LARGE1: variants seen among roughly 807,000 people sequenced by gnomAD.
LARGE1 encodes xylosyl- and glucuronyltransferase LARGE1.
In LARGE1, 43 loss-of-function variants were observed where a neutral mutation model predicts 87.6. The ratio of observed to expected loss-of-function variants is 0.49; its 90% CI spans 0.38 to 0.63. LARGE1 has a LOEUF of 0.63. Ranked by LOEUF, LARGE1 falls within the 30% of genes least tolerant of loss-of-function variation. LARGE1 has a pLI of 0.00. For synonymous variants in LARGE1, 434 were observed against 394.6 expected (o/e 1.10, Z -1.18); for missense variants, 802 against 1,000.2 (o/e 0.80, Z 2.67).
intron 2 of LARGE1, among the ~76,000 whole-genome samples, chr22:33,680,806 T>C (rs979133210): frequency 2.0e-5 from 3 of 146,858 alleles, no homozygotes; most frequent in African/African-American, 5.4e-5. Context: ...TCATCTGCTT[T>C]AGGAAAAAAA....
At chr22:33,571,083 T>C (rs2078187727) in intron 5 of LARGE1, among the ~76,000 whole-genome samples, 1 of 152,224 alleles carries the variant, frequency 6.6e-6, no homozygotes, top group Non-Finnish European at 1.5e-5. Flanking sequence ...TTTATTTTAA[T>C]GGGCAGATCA....
chr22:33,155,811 A>G, the LARGE1 span, among the ~76,000 whole-genome samples: 1 of 152,108 alleles, frequency 6.6e-6, no homozygotes, highest in East Asian at 1.9e-4. Context: ...TCAAGGGCCA[A>G]AGGTTTAGGA....
intron 2 of LARGE1, among the ~76,000 whole-genome samples, chr22:33,749,809 G>T (rs1193046435): frequency 1.3e-5 from 2 of 152,152 alleles, no homozygotes; most frequent in African/African-American, 4.8e-5. Flanking sequence ...TTGTCTCAGG[G>T]TTTGTCTCGT....
In LARGE1 at chr22:33,501,609, G is replaced by A. The variant is rs562103698; in HGVS notation, c.787+63239C>T. Among the ~76,000 whole-genome samples the A allele has an allele frequency of 2.0e-5, 3 of 152,276 alleles. No individual in the cohort carries two copies. The South Asian group carries it at 6.2e-4, about 32-fold the overall frequency. On this transcript the variant is annotated intron_variant, in intron 6 of 14. Transcript: ENST00000397394. ...GAATTGTTAGGAAATGATCCAAGTC[G>A]TTCTTAATCTCAACCTGCTTACCAC...
the LARGE1 span, among the ~76,000 whole-genome samples, chr22:33,152,131 T>G: frequency 1.3e-5 from 2 of 152,240 alleles, no homozygotes; most frequent in Non-Finnish European, 2.9e-5. Context: ...TACGCATTCC[T>G]AGCTCTGCCA....
chr22:33,401,366 T>G (rs548910300), intron 7 of LARGE1, among the ~76,000 whole-genome samples: 4 of 152,232 alleles, frequency 2.6e-5, no homozygotes, highest in Non-Finnish European at 5.9e-5. Context: ...CAGAAATGCT[T>G]GGCCATCCAC....
chr22:33,124,984 C>T, the LARGE1 span, among the ~76,000 whole-genome samples: 51 of 152,162 alleles, frequency 3.4e-4, no homozygotes, highest in Non-Finnish European at 4.9e-4. Flanking sequence ...GGGTGGTTTG[C>T]GGTCATATTT....
chr22:33,744,143 A>G (rs1310767894), intron 2 of LARGE1: 1 of 152,238 alleles, frequency 6.6e-6, no homozygotes, highest in Non-Finnish European at 1.5e-5. Context: ...GAAGTTTATC[A>G]ATACATGATC....
chr22:33,712,048 G>A (rs566009628), intron 2 of LARGE1, among the ~76,000 whole-genome samples: 6 of 152,154 alleles, frequency 3.9e-5, no homozygotes, highest in Non-Finnish European at 7.3e-5. Flanking sequence ...ATTGAGTGGT[G>A]TGCCATTTTA....
intron 1 of LARGE1, among the ~76,000 whole-genome samples, chr22:33,794,452 G>T (rs1038846629): frequency 6.6e-6 from 1 of 152,184 alleles, no homozygotes; most frequent in Non-Finnish European, 1.5e-5. Context: ...AATACCAGAA[G>T]CCAGGCAACT....
intron 11 of LARGE1, among the ~76,000 whole-genome samples, chr22:33,305,844 C>CTTTTTCT (rs1934818020): frequency 1.5e-5 from 2 of 136,894 alleles, no homozygotes; most frequent in African/African-American, 5.7e-5. Flanking sequence ...TTTTCTTTTT[C>CTTTTTCT]TTTTTTTTTT....
At chr22:33,286,007 T>C (rs1357942627) in intron 12 of LARGE1, among the ~76,000 whole-genome samples, 1 of 152,202 alleles carries the variant, frequency 6.6e-6, no homozygotes, top group Non-Finnish European at 1.5e-5. Flanking sequence ...CAGTTCACTC[T>C]TTACCATAGT....
Position 33,483,700 on chromosome 22 carries a change from C to T in LARGE1, c.788-51435G>A, listed in dbSNP as rs559624273. Among the ~76,000 whole-genome samples the T allele has an allele frequency of 5.3e-5, 8 of 152,280 alleles. 1 individual carries two copies. The South Asian group carries it at 1.7e-3, about 32-fold the overall frequency. ...ATTATAACCACAGGGCACTGAAGAT[C>T]CTGCCTCGTTAAAGGACGATTAAAT... On this transcript the variant is annotated intron_variant, in intron 6 of 14. Coordinates refer to ENST00000397394, the MANE Select transcript of LARGE1 (RefSeq NM_133642.5).
At chr22:33,131,653 C>T in the LARGE1 span, among the ~76,000 whole-genome samples, 10 of 152,136 alleles carry the variant, frequency 6.6e-5, no homozygotes, top group Admixed American at 5.9e-4. Context: ...ATCTGTGAGA[C>T]GTAATCACTA....
chr22:33,610,205 G>C (rs924024778), intron 4 of LARGE1, among the ~76,000 whole-genome samples: 2 of 152,204 alleles, frequency 1.3e-5, no homozygotes, highest in African/African-American at 4.8e-5. Context: ...GGCAACTTTG[G>C]AGCTGGGTAA....
upstream of LARGE1, among the ~76,000 whole-genome samples, chr22:33,921,758 A>G (rs1257297652): frequency 1.3e-5 from 2 of 151,938 alleles, no homozygotes; most frequent in Non-Finnish European, 2.9e-5. The surrounding 1 kb of genome is among the most constrained non-coding windows in gnomAD (Gnocchi z 4.1). Context: ...GGCGCGCAAC[A>G]TCCCTTGAAT....
the LARGE1 span, among the ~76,000 whole-genome samples, chr22:33,118,745 T>C: frequency 5.3e-5 from 8 of 152,204 alleles, no homozygotes; most frequent in Non-Finnish European, 8.8e-5. Context: ...AGTTTAACAG[T>C]AGTGCAGGTA....
At chr22:33,285,242 T>C (rs1451880856) in intron 12 of LARGE1, among the ~76,000 whole-genome samples, 1 of 152,098 alleles carries the variant, frequency 6.6e-6, no homozygotes, top group Non-Finnish European at 1.5e-5. Flanking sequence ...ATCTCTGAGA[T>C]ACAGAAAGCA....
chr22:33,517,277 C>T (rs2071355440), intron 6 of LARGE1, among the ~76,000 whole-genome samples: 2 of 152,000 alleles, frequency 1.3e-5, no homozygotes, highest in Admixed American at 1.3e-4. Context: ...CCCCTCCACA[C>T]CCCTCTCTGT....
Sources: allele counts gnomAD v4.1 joint callset (sites outside exome capture counted in the v4.1 genomes callset), GRCh38; gene constraint gnomAD v4.1.1; non-coding constraint Gnocchi (gnomAD v3.1); transcripts MANE v1.5; gene names NCBI Gene and HGNC (gene_info 2026-07-23, HGNC 2026-07-21).